STAU1: variants seen among roughly 807,000 people sequenced by gnomAD.
STAU1 encodes the protein double-stranded RNA-binding protein Staufen homolog 1.
In STAU1, 13 loss-of-function variants were observed where a neutral mutation model predicts 62.9. The ratio of observed to expected loss-of-function variants is 0.21; its 90% confidence interval spans 0.13 to 0.33. The LOEUF is 0.33. Among genes scored for constraint, STAU1 ranks in the 10% least tolerant of loss-of-function variants. The pLI is 1.00. For synonymous variants in STAU1, 269 were observed against 265.1 expected (o/e 1.01, Z -0.14); for missense variants, 571 against 712.1 (o/e 0.80, Z 2.25).
At chr20:49,219,223 G>A in the STAU1 span, 269 of 850,504 alleles carry the variant, frequency 3.2e-4, no homozygotes, top group East Asian at 5.8e-3. Flanking sequence ...CGGAGACAAT[G>A]GAATTTGCTT....
chr20:49,117,744 G>T lies in STAU1; in HGVS notation c.1509+33C>A. 6.4e-7 allele frequency: 1 copy of T among 1,565,796 alleles called. No individual in the cohort carries two copies. ...GAAGCCAAAAGATGACTGTCCTGAG[G>T]CACAGCCATCACAGCTCAGGCCAGA... On this transcript the variant is annotated intron_variant, in intron 11 of 13. Coordinates refer to ENST00000371856, the MANE Select transcript of STAU1 (RefSeq NM_017453.4). This position sits in a 1 kb window ranked among gnomAD's most constrained non-coding sequence, Gnocchi z 4.6.
chr20:49,195,527 C>G, the STAU1 span, among the ~76,000 whole-genome samples: 1 of 59,392 alleles, frequency 1.7e-5, no homozygotes. Context: ...CAGAGCAAGA[C>G]TCCGTCTCAA....
the STAU1 span, among the ~76,000 whole-genome samples, chr20:49,214,995 C>G: frequency 8.5e-5 from 13 of 152,188 alleles, no homozygotes; most frequent in Admixed American, 3.9e-4. Flanking sequence ...TTTGACCTCA[C>G]ATAAATGAAG....
chr20:49,189,750 C>T (rs530292774), upstream of STAU1, among the ~76,000 whole-genome samples: 1 of 152,086 alleles, frequency 6.6e-6, no homozygotes, highest in Non-Finnish European at 1.5e-5. Flanking sequence ...TTCTCTCTCC[C>T]GCTCACTCTG....
At chr20:49,134,576 C>A (rs2092831923) in intron 6 of STAU1, 1 of 1,298,934 alleles carries the variant, frequency 7.7e-7, no homozygotes. Flanking sequence ...AGGACCTGCC[C>A]CCAGAGAGAC....
At chr20:49,182,714 C>T (rs2093740320) in intron 1 of STAU1, among the ~76,000 whole-genome samples, 1 of 151,994 alleles carries the variant, frequency 6.6e-6, no homozygotes, top group African/African-American at 2.4e-5. Flanking sequence ...TGGCGGGCAC[C>T]TGTAGTCCCA....
intron 6 of STAU1, among the ~76,000 whole-genome samples, chr20:49,130,631 A>G (rs768748802): frequency 1.3e-5 from 2 of 152,212 alleles, no homozygotes; most frequent in Admixed American, 6.5e-5. Context: ...TATAATTACT[A>G]TAAGAGGGGA....
rs3092547 is a variant in STAU1, at chr20:49,152,340, C to CTTTTTTTTTTT, written c.345-604_345-594dup. Among the ~76,000 whole-genome samples the CTTTTTTTTTTT allele has an allele frequency of 1.9e-5, 2 of 104,576 alleles. 1 individual carries two copies. The highest frequency in any genetic ancestry group is 3.6e-5 in the Non-Finnish European group (2 of 54,884). 68.6% of individuals were successfully genotyped at this position (104,576 alleles called of 152,430 possible). ...TTGCTCATCATCTATCCACTAATGT[C>CTTTTTTTTTTT]TTTTTTTTTTTTTTTTTTTTGTGAG... On this transcript the variant is annotated intron_variant, in intron 4 of 13. Coordinates refer to ENST00000371856, the MANE Select transcript of STAU1 (RefSeq NM_017453.4).
intron 6 of STAU1, among the ~76,000 whole-genome samples, chr20:49,132,946 G>A (rs1568847768): frequency 6.6e-6 from 1 of 152,128 alleles, no homozygotes; most frequent in Non-Finnish European, 1.5e-5. Context: ...TACATGCCAG[G>A]CAACCTTCCA....
rs191767358 is a variant in STAU1 at position 49,152,737 on chromosome 20, G to A, written c.345-990C>T. On this transcript the variant is annotated intron_variant, in intron 4 of 13. Coordinates refer to ENST00000371856, the MANE Select transcript of STAU1 (RefSeq NM_017453.4). ...ATTGCACCAAAGCTATTTACAAAAC[G>A]CACAAGTTCAAAAGTCAAAAAGTAC... Among the ~76,000 whole-genome samples, 518 of 152,230 alleles carry A rather than the reference G, an allele frequency of 3.4e-3. 20 individuals carry two copies. Among genetic ancestry groups the A allele is most frequent in the Admixed American group, 0.033 (509 of 15,272 alleles).
chr20:49,173,489 G>C (rs1285426505), intron 2 of STAU1, among the ~76,000 whole-genome samples: 1 of 152,190 alleles, frequency 6.6e-6, no homozygotes, highest in African/African-American at 2.4e-5. Flanking sequence ...CAAATCCAGT[G>C]TGGTGAGTTT....
rs145356205 is a variant in STAU1 at position 49,157,470 on chromosome 20, T to C, written c.206-3399A>G. Among the ~76,000 whole-genome samples the C allele has an allele frequency of 7.6e-4, 114 of 149,414 alleles. 3 individuals are homozygous for C. In the East Asian group the frequency reaches 0.017, roughly 22 times the overall value. On this transcript the variant is annotated intron_variant, in intron 3 of 13. Transcript: ENST00000371856. ...CTGGGACTACAGGCACACACCACCA[T>C]ACTTGGCTAATTTTTTTTTTTTATT... is the stretch of plus-strand genomic sequence containing the variant.
the STAU1 span, among the ~76,000 whole-genome samples, chr20:49,199,345 C>T: frequency 6.6e-6 from 1 of 150,644 alleles, no homozygotes; most frequent in East Asian, 2.0e-4. Context: ...CTTCTCCTGC[C>T]TCAGCCTCCC....
At chr20:49,151,127 A>G (rs937521989) in intron 5 of STAU1, among the ~76,000 whole-genome samples, 1 of 152,226 alleles carries the variant, frequency 6.6e-6, no homozygotes, top group African/African-American at 2.4e-5. Flanking sequence ...ACTAAATTCT[A>G]TGATGGTCTG....
upstream of STAU1, among the ~76,000 whole-genome samples, chr20:49,192,332 C>T (rs144626570): frequency 4.5e-3 from 593 of 132,338 alleles, 6 homozygotes; most frequent in African/African-American, 0.016. Context: ...GGAAACAGAG[C>T]GAGACTCCAT....
At chr20:49,144,825 C>T (rs1025663102) in intron 5 of STAU1, among the ~76,000 whole-genome samples, 1 of 152,044 alleles carries the variant, frequency 6.6e-6, no homozygotes, top group Non-Finnish European at 1.5e-5. Flanking sequence ...TATCATTCTT[C>T]CATTTTCTTA....
chr20:49,215,190 G>T, the STAU1 span, among the ~76,000 whole-genome samples: 1 of 152,108 alleles, frequency 6.6e-6, no homozygotes, highest in Non-Finnish European at 1.5e-5. Context: ...CACTTGCTGG[G>T]TTTTTTTCTT....
intron 3 of STAU1, among the ~76,000 whole-genome samples, chr20:49,164,374 C>T (rs2093494703): frequency 6.6e-6 from 1 of 151,942 alleles, no homozygotes; most frequent in Non-Finnish European, 1.5e-5. Context: ...AATTACAGCT[C>T]ATGGCAGCCT....
chr20:49,116,401 C>G (rs151277857), intron 12 of STAU1, among the ~76,000 whole-genome samples: 2 of 152,322 alleles, frequency 1.3e-5, no homozygotes, highest in African/African-American at 4.8e-5. Context: ...GTAGTGCAAT[C>G]TTGGCTCACT....
Sources: gnomAD v4.1 joint callset for allele counts (sites outside exome capture counted in the v4.1 genomes callset) on GRCh38, gnomAD v4.1.1 for gene constraint, Gnocchi (gnomAD v3.1) non-coding constraint, MANE v1.5 for transcripts, NCBI Gene and HGNC (gene_info 2026-07-23, HGNC 2026-07-21) for gene names.